ENGASE: variants seen among roughly 807,000 people sequenced by gnomAD.
The protein encoded by ENGASE is endo-beta-N-acetylglucosaminidase.
Under a neutral mutation model 78.5 loss-of-function variants are expected in ENGASE, and 69 were observed. The ratio of observed to expected loss-of-function variants is 0.88; its 90% CI spans 0.72 to 1.07. The LOEUF is 1.07. Ranked by LOEUF, ENGASE falls within the 50% of genes least tolerant of loss-of-function variation. The pLI is 0.00. For synonymous variants in ENGASE, 408 were observed against 408.9 expected (o/e 1.00, Z 0.03); for missense variants, 943 against 988.4 (o/e 0.95, Z 0.62).
chr17:79,082,926 G>A, intron 7 of ENGASE, 94 bp from the exon 8 acceptor site: 1 of 1,578,840 alleles, frequency 6.3e-7, no homozygotes, highest in Non-Finnish European at 8.6e-7. Context: ...CCGTTTCTGA[G>A]CTGCCCTGAG....
chr17:79,083,925 A>G lies in ENGASE; in HGVS notation c.1416A>G (p.Pro472=). The G allele has an allele frequency of 6.2e-7, 1 of 1,610,534 alleles. No individual in the cohort carries two copies. The highest frequency in any genetic ancestry group is 8.5e-7 in the Non-Finnish European group (1 of 1,179,692). ...CCCTGCTCGTCCGGGGTGTGATCCCACCGGAGGTTGGAAATGTGGCTGTGA... is the reference window on the plus strand; with the variant it reads ...CCCTGCTCGTCCGGGGTGTGATCCCGCCGGAGGTTGGAAATGTGGCTGTGA... ...GSSLLVRGVI[P]PEVGNVAVRL... is the part of the protein sequence containing the mutation. Residue 472 remains proline, a synonymous_variant, in exon 10 of 14, where the codon CCA becomes CCG. Transcript: ENST00000579016. This position sits in a 1 kb window ranked among gnomAD's most constrained non-coding sequence, Gnocchi z 4.9.
In ENGASE at chr17:79,086,536, C is replaced by A; in HGVS notation, c.*187C>A. Reference sequence around the variant, plus strand: ...GTGGGGGGCGATGGAAACAGGAAACCAAGCAGTGGGATCGCAGCGTTGGTC... The same window carrying A: ...GTGGGGGGCGATGGAAACAGGAAACAAAGCAGTGGGATCGCAGCGTTGGTC... On this transcript the variant is annotated 3_prime_UTR_variant, in exon 14 of 14. Transcript: ENST00000579016. 1 of 680,874 alleles carries A rather than the reference C, an allele frequency of 1.5e-6. No homozygotes were observed. Among genetic ancestry groups the A allele is most frequent in the Non-Finnish European group, 2.4e-6 (1 of 413,724 alleles). 42.2% of individuals were successfully genotyped at this position (680,874 alleles called of 1,614,324 possible).
Position 79,083,993 on chromosome 17 carries a change from C to T in ENGASE, c.1442+42C>T. Reference sequence around the variant, plus strand: ...GGACGGTGGGCCCACCAGCTTCTCCCATCACACGTGGTGGCCATGGAACTG... The same window carrying T: ...GGACGGTGGGCCCACCAGCTTCTCCTATCACACGTGGTGGCCATGGAACTG... On this transcript the variant is annotated intron_variant, in intron 10 of 13. Coordinates refer to ENST00000579016, the MANE Select transcript of ENGASE (RefSeq NM_001042573.3). The surrounding 1 kb of genome is among the most constrained non-coding windows in gnomAD (Gnocchi z 4.9). The T allele has an allele frequency of 6.4e-7, 1 of 1,560,956 alleles. No homozygotes were observed. Among genetic ancestry groups the T allele is most frequent in the South Asian group, 1.1e-5 (1 of 88,478 alleles).
chr17:79,086,901 T>C lies in ENGASE; in HGVS notation c.*552T>C. 1 of 457,014 alleles carries C rather than the reference T, an allele frequency of 2.2e-6. No individual in the cohort carries two copies. Among genetic ancestry groups the C allele is most frequent in the South Asian group, 1.5e-5 (1 of 64,636 alleles). The allele number at this position is 457,014 out of a possible 1,614,324, so 28.3% of individuals were successfully genotyped here. A position where few individuals can be genotyped will look rare whatever the true frequency, so the allele number is the denominator to read the frequency against. On this transcript the variant is annotated 3_prime_UTR_variant, in exon 14 of 14. Transcript: ENST00000579016. ...ACCGTCCTCCCAGTGTGGAAGGCCC[T>C]TTTCCCTGAGGAGTGGGCATTCTGG...
chr17:79,079,483 C>T lies in ENGASE; in HGVS notation c.417-6C>T. On this transcript the variant is annotated splice_polypyrimidine_tract_variant and splice_region_variant and intron_variant, in intron 3 of 13. Transcript: ENST00000579016. ...GTGGCCAGCCCTGTTCTGTTTCTTT[C>T]CCCAGGTTCATTCAGGGCTCGGTGG... 1 of 1,611,760 alleles carries T rather than the reference C, an allele frequency of 6.2e-7. No individual in the cohort carries two copies. Among genetic ancestry groups the T allele is most frequent in the Non-Finnish European group, 8.5e-7 (1 of 1,179,460 alleles).
At position 79,085,659 on chromosome 17, in the gene ENGASE, C is replaced by T; in HGVS notation, c.1740C>T (p.Asp580=). 6.2e-7 allele frequency: 1 copy of T among 1,614,024 alleles called. No individual in the cohort carries two copies. The highest frequency in any genetic ancestry group is 2.2e-5 in the East Asian group (1 of 44,870). ...EVSLRGCLLL[D]LLVCFSRPPG... ...GCCTGCGTGGGTGCCTGCTGCTAGA[C>T]CTCCTCGTTTGCTTCTCACGGCCGC... The change falls in exon 13 of 14, where the codon GAC becomes GAT. Residue 580 remains aspartate (D), a synonymous_variant. Transcript: ENST00000579016.
At chr17:79,081,451 A>G (rs961281727) in intron 6 of ENGASE, among the ~76,000 whole-genome samples, 3 of 152,044 alleles carry the variant, frequency 2.0e-5, no homozygotes, top group Admixed American at 6.5e-5. Flanking sequence ...GCAGTGAGCC[A>G]AGATCGTGCC....
At position 79,085,731 on chromosome 17, in the gene ENGASE, C is replaced by A; in HGVS notation, c.1812C>A (p.Ile604=). The change falls in exon 13 of 14, where the codon ATC becomes ATA. Residue 604 remains isoleucine (I), a synonymous_variant. Coordinates refer to ENST00000579016, the MANE Select transcript of ENGASE (RefSeq NM_001042573.3). ...EESFTCRLGE[I]QVVDAASLLA... ...GCTTCACCTGTCGGCTTGGAGAGATCCAGGTGATGCTTCCCAGAGGGGCTC... is the reference window on the plus strand; with the variant it reads ...GCTTCACCTGTCGGCTTGGAGAGATACAGGTGATGCTTCCCAGAGGGGCTC... The A allele has an allele frequency of 6.2e-7, 1 of 1,613,358 alleles. No individual in the cohort carries two copies. The highest frequency in any genetic ancestry group is 8.5e-7 in the Non-Finnish European group (1 of 1,179,832).
intron 1 of ENGASE, 119 bp downstream of exon 1, chr17:79,075,209 T>A: frequency 8.9e-7 from 1 of 1,118,546 alleles, no homozygotes; most frequent in Non-Finnish European, 1.1e-6. Flanking sequence ...CTGTGTCCGC[T>A]CCGTGCACAG....
In ENGASE at chr17:79,077,453, C is replaced by T; in HGVS notation, c.170C>T (p.Thr57Ile). 1 of 1,585,886 alleles carries T rather than the reference C, an allele frequency of 6.3e-7. No individual in the cohort carries two copies. Residue 57 changes from threonine to isoleucine, a missense_variant, in exon 2 of 14, where the codon ACA becomes ATA. Physicochemically the swap from Thr to Ile is moderately conservative, Grantham distance 89. Coordinates refer to ENST00000579016, the MANE Select transcript of ENGASE (RefSeq NM_001042573.3). ...AGCATCAAAGATGAAGAAGAAGAGACAGTCTTTCGAGAGGTGGTCAGTTTT... is the reference window on the plus strand; with the variant it reads ...AGCATCAAAGATGAAGAAGAAGAGATAGTCTTTCGAGAGGTGGTCAGTTTT... The part of the protein sequence containing the change: ...GRSIKDEEEE[T>I]VFREVVSFSP...
intron 11 of ENGASE, 33 bp from the exon 12 acceptor site, chr17:79,085,200 TC>T (rs2073258850): frequency 6.4e-7 from 1 of 1,553,574 alleles, no homozygotes; most frequent in East Asian, 2.2e-5. Context: ...CCTTTGAGAT[TC>T]TCCTTTTTCA....
At chr17:79,080,032 G>T (rs1444121070) in intron 4 of ENGASE, among the ~76,000 whole-genome samples, 175 bp from the exon 5 acceptor site, 1 of 152,264 alleles carries the variant, frequency 6.6e-6, no homozygotes, top group Non-Finnish European at 1.5e-5. Context: ...TCCGTCACCA[G>T]GACTGCTGGT....
intron 13 of ENGASE, 32 bp from the exon 14 acceptor site, chr17:79,085,901 G>C (rs376889069): frequency 7.0e-6 from 11 of 1,578,030 alleles, no homozygotes; most frequent in Non-Finnish European, 9.4e-6. Context: ...GCCCCCGGGC[G>C]TCCAGCCGTG....
Position 79,083,106 on chromosome 17 carries a change from C to G in ENGASE, c.1125C>G (p.Phe375Leu), listed in dbSNP as rs143092634. The change falls in exon 8 of 14, where the codon TTC (phenylalanine) becomes TTG (leucine). Residue 375 changes from phenylalanine to leucine, a missense_variant. Transcript: ENST00000579016. The surrounding 1 kb of genome is among the most constrained non-coding windows in gnomAD (Gnocchi z 4.9). ...ATGAGTGTCTGGAGAAGAAGGATTTCTTCCAGAACCAGGACAAGTGAGTCC... is the reference window on the plus strand; with the variant it reads ...ATGAGTGTCTGGAGAAGAAGGATTTGTTCCAGAACCAGGACAAGTGAGTCC... ...WVYECLEKKD[F>L]FQNQDKFWGR... is the part of the protein sequence containing the mutation. 1 of 1,613,534 alleles carries G rather than the reference C, an allele frequency of 6.2e-7. No homozygotes were observed. Among genetic ancestry groups the G allele is most frequent in the Non-Finnish European group, 8.5e-7 (1 of 1,179,634 alleles).
Position 79,085,679 on chromosome 17 carries a change from G to A in ENGASE, c.1760G>A (p.Arg587Gln), listed in dbSNP as rs981713769. 15 of 1,613,964 alleles carry A rather than the reference G, an allele frequency of 9.3e-6. No homozygotes were observed. The highest frequency in any genetic ancestry group is 1.7e-5 in the Admixed American group (1 of 60,024). The change falls in exon 13 of 14, where the codon CGG (arginine) becomes CAG (glutamine). Residue 587 changes from arginine (R) to glutamine (Q), a missense_variant. By Grantham distance (43) the Arg-to-Gln change is conservative. Coordinates refer to ENST00000579016, the MANE Select transcript of ENGASE (RefSeq NM_001042573.3). ...CTAGACCTCCTCGTTTGCTTCTCAC[G>A]GCCGCCGGGTAGTCGGGAGGAGGAG... ...LLLDLLVCFS[R>Q]PPGSREEESF... is the part of the protein sequence containing the mutation.
At chr17:79,082,714 A>G in intron 7 of ENGASE, 1 of 1,378,346 alleles carries the variant, frequency 7.3e-7, no homozygotes, top group South Asian at 1.2e-5. Context: ...CGTGATTCTG[A>G]TAATCGAATG....
intron 7 of ENGASE, chr17:79,082,569 G>A (rs1041604017): frequency 2.6e-5 from 32 of 1,230,886 alleles, no homozygotes; most frequent in African/African-American, 9.4e-5. Context: ...TGCCCCTGGC[G>A]TGGGATGCGC....
At chr17:79,082,470 G>C in intron 7 of ENGASE, 1 of 1,206,966 alleles carries the variant, frequency 8.3e-7, no homozygotes, top group Non-Finnish European at 1.0e-6. Flanking sequence ...GGTGCCCAGG[G>C]TTTGGGGATC....
At chr17:79,078,183 T>G (rs2073015450) in intron 3 of ENGASE, among the ~76,000 whole-genome samples, 1 of 151,770 alleles carries the variant, frequency 6.6e-6, no homozygotes, top group South Asian at 2.1e-4. Flanking sequence ...CTACTAAAAA[T>G]AGAAAAATTA....
Sources: gnomAD v4.1 joint callset for allele counts (sites outside exome capture counted in the v4.1 genomes callset) on GRCh38, gnomAD v4.1.1 for gene constraint, Gnocchi (gnomAD v3.1) non-coding constraint, MANE v1.5 for transcripts, NCBI Gene and HGNC (gene_info 2026-07-23, HGNC 2026-07-21) for gene names.